WASHC2A: variants seen among roughly 807,000 people sequenced by gnomAD.
WASHC2A encodes the protein WASH complex subunit 2A.
A neutral mutation model predicts 140.3 loss-of-function variants in WASHC2A; 82 were observed. That is an observed-to-expected ratio of 0.58 (90% CI 0.49 to 0.70). The LOEUF is 0.70. WASHC2A is among the 30% of genes least tolerant of loss of function. The pLI, the probability that WASHC2A is intolerant of heterozygous loss-of-function variation, is 0.00. For missense variants in WASHC2A, 985 were observed against 1,521.8 expected, an observed-to-expected ratio of 0.65 and a Z score of 5.87; for synonymous variants, 340 against 560.8, an observed-to-expected ratio of 0.61 and a Z score of 5.56.
Position 50,129,723 on chromosome 10 carries a change from A to T in WASHC2A, c.3392A>T (p.Asp1131Val). Residue 1131 changes from aspartate to valine, a missense_variant, in exon 29 of 31, where the codon GAT becomes GTT. Coordinates refer to ENST00000282633, the MANE Select transcript of WASHC2A (RefSeq NM_001005751.3). ...GHSRGEADLF[D>V]SGDIFSTGTG... ...TCCAGAGGGGAGGCTGACCTTTTTG[A>T]TTCTGGGGACATCTTTTCCACGGGC... 2 of 1,611,996 alleles carry T rather than the reference A, an allele frequency of 1.2e-6. No homozygotes were observed. Among genetic ancestry groups the T allele is most frequent in the Non-Finnish European group, 1.7e-6 (2 of 1,179,866 alleles).
At chr10:50,112,186 A>C in intron 20 of WASHC2A, 1 of 977,806 alleles carries the variant, frequency 1.0e-6, no homozygotes, top group African/African-American at 1.8e-5. Context: ...CACTACCCCC[A>C]CCCCACACAA....
chr10:50,125,531 G>A lies in WASHC2A; in HGVS notation c.2688+82G>A. The A allele has an allele frequency of 1.9e-6, 3 of 1,611,290 alleles. No individual in the cohort carries two copies. In the African/African-American group the frequency reaches 4.0e-5, roughly 22 times the overall value. ...ACTAACGTCCAGTTAGATCATTAAG[G>A]AAAATCCTAGGAGAGTCGTGCTGCT... On this transcript the variant is annotated intron_variant, in intron 25 of 30. Coordinates refer to ENST00000282633, the MANE Select transcript of WASHC2A (RefSeq NM_001005751.3).
rs2132556319 is a variant in WASHC2A at position 50,091,479 on chromosome 10, A to C, written c.892A>C (p.Lys298Gln). ...TGCAGATGAGCTGGCTGCCCGCATCAAGGGGGATGCCGTGGGTCGAGTGGA... is the reference window on the plus strand; with the variant it reads ...TGCAGATGAGCTGGCTGCCCGCATCCAGGGGGATGCCGTGGGTCGAGTGGA... ...SFADELAARI[K>Q]GDAVGRVDEE... The change falls in exon 10 of 31, where the codon AAG becomes CAG. Residue 298 changes from lysine to glutamine, a missense_variant. By Grantham distance (53) the Lys-to-Gln change is moderately conservative. Transcript: ENST00000282633. 1.3e-6 allele frequency: 2 copies of C among 1,550,728 alleles called. No homozygotes were observed. Among genetic ancestry groups the C allele is most frequent in the East Asian group, 2.4e-5 (1 of 41,256 alleles).
At chr10:50,112,611 AT>A (rs1184853499) in intron 20 of WASHC2A, among the ~76,000 whole-genome samples, 2 of 136,416 alleles carry the variant, frequency 1.5e-5, no homozygotes, top group African/African-American at 5.4e-5. Context: ...ATGAGTGTTT[AT>A]TGCAGCCTTA....
At chr10:50,089,120 A>G (rs1244377756) in intron 8 of WASHC2A, among the ~76,000 whole-genome samples, 4 of 150,950 alleles carry the variant, frequency 2.6e-5, no homozygotes, top group African/African-American at 9.7e-5. Flanking sequence ...ATGTGCCACC[A>G]TGCCCAGCTA....
At chr10:50,079,459 C>T (rs1326757046) in intron 4 of WASHC2A, among the ~76,000 whole-genome samples, 2 of 152,322 alleles carry the variant, frequency 1.3e-5, no homozygotes, top group South Asian at 2.1e-4. Context: ...TGCAGTGGCA[C>T]GATATCAGCT....
chr10:50,079,485 T>C (rs2490888), intron 4 of WASHC2A, among the ~76,000 whole-genome samples: 4 of 152,252 alleles, frequency 2.6e-5, no homozygotes, highest in Admixed American at 1.3e-4. Flanking sequence ...CAACCTCTGC[T>C]TCCTGGGTGC....
rs1837689260 is a variant in WASHC2A, at chr10:50,070,349, G to A, written c.291+638G>A. On this transcript the variant is annotated intron_variant, in intron 3 of 30. Coordinates refer to ENST00000282633, the MANE Select transcript of WASHC2A (RefSeq NM_001005751.3). ...AAGTAAGTATGGCTGGAGCAGAGTG[G>A]AGACTTAAGAGATGAGGATGGAGAG... 3.3e-5 allele frequency among the ~76,000 whole-genome samples: 5 copies of A among 152,094 alleles called. No homozygotes were observed. In the Middle Eastern group the frequency reaches 0.01, roughly 310 times the overall value.
rs1044590 is a variant in WASHC2A at position 50,129,763 on chromosome 10, T to C, written c.3432T>C (p.Ser1144=). Residue 1144 remains serine (S), a synonymous_variant, in exon 29 of 31, where the codon TCT becomes TCC. Transcript: ENST00000282633. ...TTTCCACGGGCACTGGATCTCAGTC[T>C]GTGGAGAGAACAAAACCCAAGGCAA... is the stretch of plus-strand genomic sequence containing the variant. The part of the protein sequence containing the change: ...DIFSTGTGSQ[S]VERTKPKAKI... 5 of 1,612,034 alleles carry C rather than the reference T, an allele frequency of 3.1e-6. No homozygotes were observed. Among genetic ancestry groups the C allele is most frequent in the Non-Finnish European group, 4.2e-6 (5 of 1,179,864 alleles).
chr10:50,110,139 A>T lies in WASHC2A; in HGVS notation c.1908A>T (p.Ala636=). Reference sequence around the variant, plus strand: ...TTCCTGCTTCACAGACCCACTTAGCATCTGACAGCAGGTCTAAAGGAGAAC... The same window carrying T: ...TTCCTGCTTCACAGACCCACTTAGCTTCTGACAGCAGGTCTAAAGGAGAAC... The part of the protein sequence containing the change: ...WNIPASQTHL[A]SDSRSKGEPR... Residue 636 remains alanine (A), a synonymous_variant, in exon 20 of 31, where the codon GCA becomes GCT. Transcript: ENST00000282633. 1.2e-6 allele frequency: 2 copies of T among 1,611,100 alleles called. No individual in the cohort carries two copies. The highest frequency in any genetic ancestry group is 4.5e-5 in the East Asian group (2 of 44,842).
rs1214596899 is a variant in WASHC2A at position 50,090,515 on chromosome 10, A to AAAT, written c.733-260_733-259insATA. Among the ~76,000 whole-genome samples, 739 of 108,710 alleles carry AAAT rather than the reference A, an allele frequency of 6.8e-3. 15 individuals are homozygous for AAAT. Among genetic ancestry groups the AAAT allele is most frequent in the East Asian group, 0.028 (114 of 4,144 alleles). The allele number at this position is 108,710 out of a possible 152,430, so 71.3% of individuals were successfully genotyped here. A position where few individuals can be genotyped will look rare whatever the true frequency, so the allele number is the denominator to read the frequency against. ...TAGACTCCATCTCAAAAAAAAAAAAAATATATATATATATATTTATATTTA... is the reference window on the plus strand; with the variant it reads ...TAGACTCCATCTCAAAAAAAAAAAAAAATATATATATATATATATTTATATTTA... On this transcript the variant is annotated intron_variant, in intron 8 of 30. Transcript: ENST00000282633.
chr10:50,099,657 G>A (rs1273992011), intron 16 of WASHC2A, among the ~76,000 whole-genome samples: 1 of 136,628 alleles, frequency 7.3e-6, no homozygotes, highest in African/African-American at 2.9e-5. Flanking sequence ...TTCTCCTGCC[G>A]ACCACCTAAG....
Position 50,092,041 on chromosome 10 carries a change from G to T in WASHC2A, c.932-121G>T, listed in dbSNP as rs1419854620. On this transcript the variant is annotated intron_variant, in intron 10 of 30. Transcript: ENST00000282633. ...GGGTTCAGTGCTCTGGTGCAGCTGAGATGAAAGGCAGATGTCTTGCTCTTA... is the reference window on the plus strand; with the variant it reads ...GGGTTCAGTGCTCTGGTGCAGCTGATATGAAAGGCAGATGTCTTGCTCTTA... The T allele has an allele frequency of 4.4e-6, 7 of 1,575,320 alleles. No homozygotes were observed. In the African/African-American group the frequency reaches 6.7e-5, roughly 15 times the overall value.
At chr10:50,112,250 C>T (rs1842354526) in intron 20 of WASHC2A, 1 of 950,804 alleles carries the variant, frequency 1.1e-6, no homozygotes, top group African/African-American at 1.9e-5. Flanking sequence ...CTGGTTCCAG[C>T]CACACACCAT....
In WASHC2A at chr10:50,067,977, T is replaced by TTCGGAGCCC. The variant is rs782506398; in HGVS notation, c.-28_-20dup. The TTCGGAGCCC allele has an allele frequency of 1.2e-4, 189 of 1,602,086 alleles. No individual in the cohort carries two copies. The highest frequency in any genetic ancestry group is 1.6e-4 in the Non-Finnish European group (187 of 1,176,016). ...GCAGTCCTCGGCGTGTGCTGGCAGC[T>TTCGGAGCCC]TCGGAGCCCACCGAGCCGGGCGGCT... On this transcript the variant is annotated 5_prime_UTR_variant, in exon 1 of 31. Coordinates refer to ENST00000282633, the MANE Select transcript of WASHC2A (RefSeq NM_001005751.3).
At chr10:50,075,051 GGTAT>G (rs1301130709) in intron 3 of WASHC2A, among the ~76,000 whole-genome samples, 2 of 148,602 alleles carry the variant, frequency 1.3e-5, no homozygotes, top group Non-Finnish European at 3.0e-5. Flanking sequence ...TCTAGATGAC[GGTAT>G]GTGTGTGTGT....
intron 21 of WASHC2A, among the ~76,000 whole-genome samples, chr10:50,114,530 CAAA>C (rs1212563688): frequency 1.1e-3 from 116 of 109,868 alleles, no homozygotes; most frequent in African/African-American, 3.6e-3. Flanking sequence ...TACTGCAGGC[CAAA>C]AAAAAAAAAA....
chr10:50,099,694 C>T (rs1465382411), intron 16 of WASHC2A, among the ~76,000 whole-genome samples: 3 of 136,634 alleles, frequency 2.2e-5, no homozygotes, highest in Non-Finnish European at 4.6e-5. Flanking sequence ...CTGTCAGGCC[C>T]GTCAGGCAGC....
At chr10:50,072,814 A>G (rs1478351638) in intron 3 of WASHC2A, among the ~76,000 whole-genome samples, 1 of 152,134 alleles carries the variant, frequency 6.6e-6, no homozygotes, top group East Asian at 1.9e-4. Context: ...TTTATTTTCA[A>G]TCCCTGACAT....
Sources: allele counts gnomAD v4.1 joint callset (sites outside exome capture counted in the v4.1 genomes callset), GRCh38; gene constraint gnomAD v4.1.1; transcripts MANE v1.5; gene names NCBI Gene and HGNC (gene_info 2026-07-23, HGNC 2026-07-21).